IDE: variants seen among roughly 807,000 people sequenced by gnomAD.
The protein encoded by IDE is insulin-degrading enzyme.
IDE carries 58 observed loss-of-function variants against 133.2 expected under a neutral mutation model. The ratio of observed to expected loss-of-function variants is 0.44; its 90% confidence interval spans 0.35 to 0.54. The LOEUF is 0.54. Ranked by LOEUF, IDE falls within the 20% of genes least tolerant of loss-of-function variation. The pLI is 0.00. For synonymous variants in IDE, 396 were observed against 421.3 expected, an observed-to-expected ratio of 0.94 and a Z score of 0.73; for missense variants, 981 against 1,234.0, an observed-to-expected ratio of 0.79 and a Z score of 3.07.
chr10:92,528,036 T>C (rs1319125668), intron 4 of IDE, among the ~76,000 whole-genome samples: 1 of 152,214 alleles, frequency 6.6e-6, no homozygotes, highest in Non-Finnish European at 1.5e-5. Flanking sequence ...CCTTGCTGAA[T>C]TATTTTTAAT....
rs1301846459 is a variant in IDE, at chr10:92,516,096, G to T, written c.662-1054C>A. 5.9e-4 allele frequency among the ~76,000 whole-genome samples: 89 copies of T among 151,594 alleles called. 1 individual carries two copies. The highest frequency in any genetic ancestry group is 2.9e-5 in the Non-Finnish European group (2 of 67,918). On this transcript the variant is annotated intron_variant, in intron 4 of 24. Transcript: ENST00000265986. ...AGGCAGGAGAATCACTTGAACCCAG[G>T]AGGCAGAAGTTGCGGTGAGCCGAAA...
intron 1 of IDE, among the ~76,000 whole-genome samples, chr10:92,547,984 C>A (rs777569874): frequency 1.2e-4 from 19 of 152,108 alleles, no homozygotes; most frequent in Non-Finnish European, 1.5e-5. Flanking sequence ...CACCCAGGCC[C>A]AAGCGATCCT....
At chr10:92,476,861 T>C (rs932513722) in intron 15 of IDE, among the ~76,000 whole-genome samples, 2 of 152,178 alleles carry the variant, frequency 1.3e-5, no homozygotes, top group African/African-American at 4.8e-5. Flanking sequence ...TCACAGGGCA[T>C]AGTGGCACGT....
At chr10:92,456,869 A>G (rs1485143045) in intron 22 of IDE, among the ~76,000 whole-genome samples, 1 of 149,120 alleles carries the variant, frequency 6.7e-6, no homozygotes, top group African/African-American at 2.5e-5. Context: ...AAAAAAAAAA[A>G]AAAAGAAAAA....
Position 92,545,474 on chromosome 10 carries a change from T to C in IDE, c.99-7924A>G, listed in dbSNP as rs149345642. 5.9e-5 allele frequency among the ~76,000 whole-genome samples: 9 copies of C among 152,318 alleles called. No homozygotes were observed. The East Asian group carries it at 1.7e-3, about 29-fold the overall frequency. On this transcript the variant is annotated intron_variant, in intron 1 of 24. Coordinates refer to ENST00000265986, the MANE Select transcript of IDE (RefSeq NM_004969.4). Reference sequence around the variant, plus strand: ...TACAAAAATCACATTTGCAAAGATGTTGGAAAGTTGTGCAAGCAACAAGGA... The same window carrying C: ...TACAAAAATCACATTTGCAAAGATGCTGGAAAGTTGTGCAAGCAACAAGGA...
intron 2 of IDE, among the ~76,000 whole-genome samples, chr10:92,537,035 C>CAA (rs1280601596): frequency 2.7e-5 from 2 of 74,386 alleles, no homozygotes; most frequent in African/African-American, 9.5e-5. Context: ...AACTCTGTCT[C>CAA]AAAAAAAAAA....
chr10:92,486,565 C>G (rs941792069), intron 13 of IDE, among the ~76,000 whole-genome samples: 15 of 151,384 alleles, frequency 9.9e-5, no homozygotes, highest in African/African-American at 3.7e-4. Context: ...AGAAGAAATA[C>G]GTTTAGAAGG....
intron 11 of IDE, among the ~76,000 whole-genome samples, chr10:92,501,672 A>AAAAAAAG (rs1444254440): frequency 1.3e-5 from 2 of 151,038 alleles, no homozygotes; most frequent in South Asian, 2.1e-4. Context: ...CCGTCTAAAA[A>AAAAAAAG]AAAAAAGAAA....
rs1844859132 is a variant in IDE, at chr10:92,453,931, A to T, written c.*513T>A. ...CTTATATAACCAGCATTTCACTAAT[A>T]AAAGATGACATTGCTTTATCATCTG... On this transcript the variant is annotated 3_prime_UTR_variant, in exon 25 of 25. Coordinates refer to ENST00000265986, the MANE Select transcript of IDE (RefSeq NM_004969.4). 1 of 152,324 alleles carries T rather than the reference A, an allele frequency of 6.6e-6. No homozygotes were observed. The highest frequency in any genetic ancestry group is 1.5e-5 in the Non-Finnish European group (1 of 68,114). 9.4% of individuals were successfully genotyped at this position (152,324 alleles called of 1,614,324 possible).
At chr10:92,568,633 T>C (rs944957480) in intron 1 of IDE, among the ~76,000 whole-genome samples, 1 of 151,628 alleles carries the variant, frequency 6.6e-6, no homozygotes, top group Non-Finnish European at 1.5e-5. Context: ...CTGGGCAACA[T>C]GGTGAAACCC....
intron 15 of IDE, chr10:92,478,902 G>T: frequency 2.5e-6 from 1 of 408,062 alleles, no homozygotes. Context: ...GATTTCTAGG[G>T]AAATAGTATA....
At chr10:92,525,876 G>A (rs1013087616) in intron 4 of IDE, among the ~76,000 whole-genome samples, 11 of 151,926 alleles carry the variant, frequency 7.2e-5, no homozygotes, top group African/African-American at 2.2e-4. Context: ...AAGATCTCAG[G>A]CTGGGCGCAG....
chr10:92,518,912 AACTGAAGTGTAC>A (rs1849067977), intron 4 of IDE, among the ~76,000 whole-genome samples: 1 of 152,220 alleles, frequency 6.6e-6, no homozygotes, highest in South Asian at 2.1e-4. Context: ...AGGAAAATGC[AACTGAAGTGTAC>A]ACCGGATGCT....
intron 24 of IDE, among the ~76,000 whole-genome samples, chr10:92,454,957 G>A (rs1004056644): frequency 1.5e-4 from 23 of 152,006 alleles, no homozygotes; most frequent in African/African-American, 3.6e-4. Context: ...ATTAAAATAC[G>A]CAGGTAACAT....
In IDE at chr10:92,564,671, C is replaced by CAAAAAAAAAAAA. The variant is rs532861372; in HGVS notation, c.98+9239_98+9250dup. ...CCTGGGCGATAAAGCGAGACTGTCTCAAAAAAAAAAAAAAAAAAAAAAAAA... is the reference window on the plus strand; with the variant it reads ...CCTGGGCGATAAAGCGAGACTGTCTCAAAAAAAAAAAAAAAAAAAAAAAAAAAAAAAAAAAAA... On this transcript the variant is annotated intron_variant, in intron 1 of 24. Coordinates refer to ENST00000265986, the MANE Select transcript of IDE (RefSeq NM_004969.4). Among the ~76,000 whole-genome samples the CAAAAAAAAAAAA allele has an allele frequency of 1.9e-4, 6 of 31,586 alleles. 1 individual carries two copies. The highest frequency in any genetic ancestry group is 2.5e-4 in the Non-Finnish European group (4 of 16,300). The allele number at this position is 31,586 out of a possible 152,430, so 20.7% of individuals were successfully genotyped here.
intron 1 of IDE, among the ~76,000 whole-genome samples, chr10:92,557,498 T>A (rs1843067481): frequency 1.3e-5 from 2 of 151,734 alleles, no homozygotes; most frequent in African/African-American, 4.8e-5. Flanking sequence ...ATAGTGCCAC[T>A]GCAGTCCAGC....
At chr10:92,559,813 T>C (rs181955851) in intron 1 of IDE, among the ~76,000 whole-genome samples, 232 of 151,216 alleles carry the variant, frequency 1.5e-3, no homozygotes, top group African/African-American at 5.2e-3. Context: ...TCATGGCTCA[T>C]TGCAGCTTTG....
intron 11 of IDE, among the ~76,000 whole-genome samples, chr10:92,493,631 G>A (rs1847507518): frequency 6.6e-6 from 1 of 151,806 alleles, no homozygotes; most frequent in Non-Finnish European, 1.5e-5. Flanking sequence ...ATCAAGTACA[G>A]TCCTTAGGGA....
intron 1 of IDE, among the ~76,000 whole-genome samples, chr10:92,540,350 ATTAAT>A (rs1438508577): frequency 2.0e-5 from 3 of 152,260 alleles, no homozygotes; most frequent in East Asian, 1.9e-4. Context: ...TTTCAAAAAC[ATTAAT>A]TTGAGTTCAA....
Sources: gnomAD v4.1 joint callset for allele counts (sites outside exome capture counted in the v4.1 genomes callset) on GRCh38, gnomAD v4.1.1 for gene constraint, MANE v1.5 for transcripts, NCBI Gene and HGNC (gene_info 2026-07-23, HGNC 2026-07-21) for gene names.